The following PHF11 variants were observed in gnomAD, a reference collection of about 807,000 sequenced individuals.
PHF11 encodes the protein BRCA1 C-terminus-associated protein.
A neutral mutation model predicts 40.5 loss-of-function variants in PHF11; 38 were observed. The observed-to-expected ratio is 0.94, with a 90% CI of 0.72 to 1.23. The LOEUF is 1.23. Ranked by LOEUF, PHF11 falls within the 50% of genes most tolerant of loss-of-function variation. PHF11 has a pLI of 0.00. For missense variants in PHF11, 369 were observed against 392.4 expected (o/e 0.94, Z 0.50); for synonymous variants, 127 against 138.2 (o/e 0.92, Z 0.57).
chr13:49,516,149 G>A (rs2139059443), intron 3 of PHF11, among the ~76,000 whole-genome samples: 1 of 152,300 alleles, frequency 6.6e-6, no homozygotes, highest in South Asian at 2.1e-4. Flanking sequence ...CCAGTCTGAA[G>A]TAGGGACCCA....
chr13:49,527,654 AT>A lies in PHF11; in HGVS notation c.842-850del, dbSNP rs1221170410. ...ATATTTTTTTAAAGCAGCCTTAAAA[AT>A]TTTTTTCTAAAAAGAGTTATTTTGT... On this transcript the variant is annotated intron_variant, in intron 9 of 9. Coordinates refer to ENST00000378319, the MANE Select transcript of PHF11 (RefSeq NM_001040443.3). 9.2e-5 allele frequency among the ~76,000 whole-genome samples: 14 copies of A among 152,208 alleles called. No homozygotes were observed. In the East Asian group the frequency reaches 2.5e-3, roughly 27 times the overall value.
At chr13:49,520,994 TA>T in intron 5 of PHF11, 54 bp downstream of exon 5, 1 of 1,500,618 alleles carries the variant, frequency 6.7e-7, no homozygotes, top group Non-Finnish European at 9.1e-7. Flanking sequence ...AACATTTATG[TA>T]ACATAAGGAA....
chr13:49,520,398 A>G (rs1959182095), intron 4 of PHF11, among the ~76,000 whole-genome samples: 1 of 152,196 alleles, frequency 6.6e-6, no homozygotes, highest in Non-Finnish European at 1.5e-5. Context: ...CTCTTGGAAG[A>G]TACTAATCAG....
intron 1 of PHF11, among the ~76,000 whole-genome samples, chr13:49,500,200 G>C (rs1020288483): frequency 6.6e-6 from 1 of 152,164 alleles, no homozygotes; most frequent in African/African-American, 2.4e-5. Context: ...ATCTTGTCGG[G>C]TCAGGCTCTG....
At chr13:49,526,593 T>C (rs975107623) in intron 9 of PHF11, 135 bp downstream of exon 9, 15 of 658,706 alleles carry the variant, frequency 2.3e-5, no homozygotes, top group Middle Eastern at 8.1e-4. Flanking sequence ...AAAAGCCAAT[T>C]ACAAAAACAG....
At chr13:49,509,508 G>A (rs541345475) in intron 2 of PHF11, among the ~76,000 whole-genome samples, 63 of 152,276 alleles carry the variant, frequency 4.1e-4, no homozygotes, top group Middle Eastern at 6.8e-3. Context: ...ACTGTGCCCA[G>A]CCTTTAGTAT....
chr13:49,507,964 T>C (rs1182066882), intron 2 of PHF11, among the ~76,000 whole-genome samples: 1 of 152,072 alleles, frequency 6.6e-6, no homozygotes, highest in African/African-American at 2.4e-5. Context: ...TTTTGGCACT[T>C]TGAATTTGTG....
rs79165934 is a variant in PHF11, at chr13:49,523,487, A to G, written c.637+246A>G. 1,307 of 493,474 alleles carry G rather than the reference A, an allele frequency of 2.6e-3. 30 individuals are homozygous for G. In the East Asian group the frequency reaches 0.046, roughly 17 times the overall value. 30.6% of individuals were successfully genotyped at this position (493,474 alleles called of 1,614,324 possible). On this transcript the variant is annotated intron_variant, in intron 7 of 9. Coordinates refer to ENST00000378319, the MANE Select transcript of PHF11 (RefSeq NM_001040443.3). ...GATAGACTTCTATTAATAAAGACACAGACAGGCTTGCCTGAGCTCAGAATC... is the reference window on the plus strand; with the variant it reads ...GATAGACTTCTATTAATAAAGACACGGACAGGCTTGCCTGAGCTCAGAATC...
chr13:49,522,153 T>A, intron 6 of PHF11, 46 bp downstream of exon 6: 1 of 974,562 alleles, frequency 1.0e-6, no homozygotes, highest in Non-Finnish European at 1.6e-6. Flanking sequence ...TCATACAGAG[T>A]CCTTATTTAA....
intron 1 of PHF11, among the ~76,000 whole-genome samples, chr13:49,500,628 A>G (rs771002375): frequency 6.6e-6 from 1 of 152,166 alleles, no homozygotes; most frequent in African/African-American, 2.4e-5. Flanking sequence ...ACACTGTGAT[A>G]TGGGGGGATT....
intron 9 of PHF11, among the ~76,000 whole-genome samples, chr13:49,527,869 A>C (rs1959377898): frequency 6.6e-6 from 1 of 152,196 alleles, no homozygotes; most frequent in African/African-American, 2.4e-5. Context: ...AAACTTGCTT[A>C]ATTTAGCCTT....
At chr13:49,516,187 A>G (rs144461191) in intron 3 of PHF11, among the ~76,000 whole-genome samples, 2 of 152,212 alleles carry the variant, frequency 1.3e-5, no homozygotes, top group East Asian at 3.9e-4. Context: ...CCCTATTTTA[A>G]TTCGATATAA....
intron 9 of PHF11, 43 bp from the exon 10 acceptor site, chr13:49,528,468 A>G (rs1384674513): frequency 2.2e-6 from 3 of 1,361,166 alleles, no homozygotes; most frequent in East Asian, 4.6e-5. Flanking sequence ...TTCTAATAAA[A>G]CTACTGAATA....
intron 1 of PHF11, 64 bp downstream of exon 1, chr13:49,496,159 G>A (rs1958802358): frequency 1.0e-6 from 1 of 995,584 alleles, no homozygotes; most frequent in East Asian, 3.4e-5. Context: ...CCGGTCAAGG[G>A]GCCTGCCTTC....
intron 4 of PHF11, chr13:49,518,950 C>T (rs1466282909): frequency 6.6e-6 from 1 of 151,304 alleles, no homozygotes; most frequent in Non-Finnish European, 1.5e-5. Flanking sequence ...ATTCTCCTGC[C>T]TCAGCCTCCC....
chr13:49,526,685 G>A (rs923227242), intron 9 of PHF11, among the ~76,000 whole-genome samples: 1 of 151,084 alleles, frequency 6.6e-6, no homozygotes, highest in Non-Finnish European at 1.5e-5. Flanking sequence ...ACCTGGTGGA[G>A]ACAGTAGTTG....
chr13:49,528,334 A>G (rs755070364), intron 9 of PHF11, among the ~76,000 whole-genome samples, 177 bp from the exon 10 acceptor site: 14 of 152,192 alleles, frequency 9.2e-5, no homozygotes, highest in Non-Finnish European at 1.8e-4. Flanking sequence ...CCTGAATTAG[A>G]AGGAGGAAGT....
rs1021552036 is a variant in PHF11, at chr13:49,504,924, T to C, written c.95-1711T>C. The stretch of plus-strand genomic sequence containing the variant: ...TGATCTGTGACCTTACCCCCAACCC[T>C]GTGCTCTCTGAAACATGTGCTGTGT... On this transcript the variant is annotated intron_variant, in intron 1 of 9. Coordinates refer to ENST00000378319, the MANE Select transcript of PHF11 (RefSeq NM_001040443.3). Among the ~76,000 whole-genome samples, 11 of 149,404 alleles carry C rather than the reference T, an allele frequency of 7.4e-5. No individual in the cohort carries two copies. In the East Asian group the frequency reaches 1.2e-3, roughly 16 times the overall value.
At chr13:49,501,000 GTTT>G (rs1206782081) in intron 1 of PHF11, among the ~76,000 whole-genome samples, 1 of 51,310 alleles carries the variant, frequency 1.9e-5, no homozygotes, top group East Asian at 8.5e-4. Flanking sequence ...ACCAACTTTT[GTTT>G]TTTTTTTTTT....
Sources: allele counts gnomAD v4.1 joint callset (sites outside exome capture counted in the v4.1 genomes callset), GRCh38; gene constraint gnomAD v4.1.1; transcripts MANE v1.5; gene names NCBI Gene and HGNC (gene_info 2026-07-23, HGNC 2026-07-21).